Variants in PABPC4 observed in about 807,000 individuals in gnomAD.
The protein encoded by PABPC4 is polyadenylate-binding protein 4.
In PABPC4, 15 loss-of-function variants were observed where a neutral mutation model predicts 74.5. The observed-to-expected ratio is 0.20, with a 90% CI of 0.13 to 0.31. PABPC4 has a LOEUF of 0.31. PABPC4 is among the 10% of genes least tolerant of loss of function. The probability of loss-of-function intolerance (pLI) is 1.00; values close to 1 mark genes in which losing one functional copy is unlikely to be tolerated. For synonymous variants in PABPC4, 345 were observed against 303.0 expected (o/e 1.14, Z -1.44); for missense variants, 610 against 853.5 (o/e 0.71, Z 3.55).
chr1:39,575,677 C>T, intron 1 of PABPC4, 82 bp downstream of exon 1: 3 of 1,215,506 alleles, frequency 2.5e-6, no homozygotes, highest in East Asian at 2.8e-5. Context: ...ATGCCGCCCT[C>T]CTCGGCAGGA....
Position 39,575,873 on chromosome 1 carries a change from G to A in PABPC4, c.79C>T (p.Leu27=). The A allele has an allele frequency of 6.2e-7, 1 of 1,612,562 alleles. No homozygotes were observed. Among genetic ancestry groups the A allele is most frequent in the Middle Eastern group, 1.7e-4 (1 of 6,058 alleles). Residue 27 remains leucine (L), a synonymous_variant, in exon 1 of 16, where the codon CTG becomes TTG. Coordinates refer to ENST00000372858, the MANE Select transcript of PABPC4 (RefSeq NM_001135653.2). The part of the protein sequence containing the change: ...DLHSDVTEAM[L]YEKFSPAGPV... ...CCCGCGGGGCTGAACTTTTCGTACA[G>A]CATGGCCTCGGTGACGTCCGAATGC...
Position 39,569,931 on chromosome 1 carries a change from TTGG to T in PABPC4, c.572_574del (p.Thr191del). The T allele has an allele frequency of 6.2e-7, 1 of 1,614,038 alleles. No homozygotes were observed. ...TTCCCCAAAGTTTTTGATATAAACATTGGTGAATTCCTTGGCTTTGGCTCCAAG... is the reference window on the plus strand; with the variant it reads ...TTCCCCAAAGTTTTTGATATAAACATTGAATTCCTTGGCTTTGGCTCCAAG... On this transcript the variant is annotated inframe_deletion, in exon 4 of 16. Coordinates refer to ENST00000372858, the MANE Select transcript of PABPC4 (RefSeq NM_001135653.2).
chr1:39,571,543 A>T, intron 2 of PABPC4, 194 bp from the exon 3 acceptor site: 1 of 619,302 alleles, frequency 1.6e-6, no homozygotes, highest in South Asian at 1.9e-5. Flanking sequence ...AGGTAGCCCT[A>T]CTAAGATGCT....
At chr1:39,566,568 T>C (rs570762808) in intron 7 of PABPC4, among the ~76,000 whole-genome samples, 8 of 152,356 alleles carry the variant, frequency 5.3e-5, no homozygotes, top group African/African-American at 1.7e-4. Flanking sequence ...TGACTGTCAT[T>C]GTTTTATGTC....
chr1:39,571,421 T>C (rs1570394843), intron 2 of PABPC4, 72 bp from the exon 3 acceptor site: 1 of 1,583,100 alleles, frequency 6.3e-7, no homozygotes, highest in Non-Finnish European at 8.7e-7. Context: ...CAGGGTATCT[T>C]GTGCCTGAGG....
At chr1:39,564,810 G>T in intron 8 of PABPC4, 37 bp from the exon 9 acceptor site, 1 of 1,477,966 alleles carries the variant, frequency 6.8e-7, no homozygotes, top group Non-Finnish European at 9.5e-7. Flanking sequence ...CCCCCTTAAG[G>T]ACTGAACCCA....
At chr1:39,562,638 T>C (rs1414312848) in intron 12 of PABPC4, 2 of 460,560 alleles carry the variant, frequency 4.3e-6, no homozygotes, top group East Asian at 6.5e-5. Flanking sequence ...GAAAATGGCA[T>C]GCTATCAGAA....
chr1:39,564,406 A>G lies in PABPC4; in HGVS notation c.1453+17T>C. ...CCCTCCTCCCCAGGCCACACTTCTA[A>G]AGGCCAGTTTGCTCACCGACTCTCT... On this transcript the variant is annotated intron_variant, in intron 10 of 15. Coordinates refer to ENST00000372858, the MANE Select transcript of PABPC4 (RefSeq NM_001135653.2). 6.2e-7 allele frequency: 1 copy of G among 1,612,478 alleles called. No individual in the cohort carries two copies. Among genetic ancestry groups the G allele is most frequent in the East Asian group, 2.2e-5 (1 of 44,852 alleles).
At chr1:39,564,036 A>G (rs745877558) in intron 10 of PABPC4, 114 bp from the exon 11 acceptor site, 7 of 872,454 alleles carry the variant, frequency 8.0e-6, no homozygotes, top group South Asian at 3.1e-5. Context: ...ACAGGGGGCC[A>G]CTACTACTTT....
intron 4 of PABPC4, 63 bp from the exon 5 acceptor site, chr1:39,569,752 T>C (rs1402739769): frequency 7.0e-6 from 11 of 1,582,654 alleles, no homozygotes; most frequent in Non-Finnish European, 8.7e-6. Context: ...AACAGAAGGC[T>C]TCCCTCTGGA....
intron 3 of PABPC4, 70 bp downstream of exon 3, chr1:39,571,164 G>A (rs746289526): frequency 9.3e-6 from 15 of 1,608,720 alleles, no homozygotes; most frequent in Non-Finnish European, 1.3e-5. Context: ...CCTTGTGTGT[G>A]CCAGTTAATA....
At chr1:39,566,723 C>T (rs1402013169) in intron 7 of PABPC4, among the ~76,000 whole-genome samples, 3 of 152,124 alleles carry the variant, frequency 2.0e-5, no homozygotes, top group Non-Finnish European at 2.9e-5. Context: ...GGGGACAATT[C>T]AAGGTATGGC....
chr1:39,565,507 G>T, intron 7 of PABPC4, 129 bp from the exon 8 acceptor site: 1 of 903,232 alleles, frequency 1.1e-6, no homozygotes, highest in Non-Finnish European at 1.7e-6. Flanking sequence ...GTTGAGACCA[G>T]CTTGAGCAAT....
chr1:39,569,680 A>C lies in PABPC4; in HGVS notation c.653T>G (p.Leu218Arg), dbSNP rs762504433. ...KELFSQFGKT[L>R]SVKVMRDPNG... ...GGGATCTCTCATCACCTTGACACTT[A>C]GGGTCTTACCTATTACCAAAGGACA... is the stretch of plus-strand genomic sequence containing the variant. The change falls in exon 5 of 16, where the codon CTA becomes CGA. Residue 218 changes from leucine to arginine, a missense_variant. Around this residue, in one of 4 missense-constraint regions of PABPC4, gnomAD observed 304 missense variants for 478.9 expected, o/e 0.63. Transcript: ENST00000372858. The C allele has an allele frequency of 6.2e-7, 1 of 1,613,484 alleles. No individual in the cohort carries two copies. Among genetic ancestry groups the C allele is most frequent in the Non-Finnish European group, 8.5e-7 (1 of 1,179,370 alleles).
At chr1:39,566,716 G>A (rs1248070547) in intron 7 of PABPC4, among the ~76,000 whole-genome samples, 2 of 152,150 alleles carry the variant, frequency 1.3e-5, no homozygotes, top group African/African-American at 4.8e-5. Flanking sequence ...TGAAAATGGG[G>A]ACAATTCAAG....
At chr1:39,562,448 T>A in intron 12 of PABPC4, 32 bp from the exon 13 acceptor site, 2 of 1,521,240 alleles carry the variant, frequency 1.3e-6, no homozygotes, top group Non-Finnish European at 1.8e-6. Context: ...GGGTTAGCAC[T>A]GAGGAAAGGA....
intron 10 of PABPC4, 63 bp from the exon 11 acceptor site, chr1:39,563,985 C>G (rs993129039): frequency 6.7e-7 from 1 of 1,484,900 alleles, no homozygotes; most frequent in East Asian, 2.3e-5. Context: ...CCACGTCCCA[C>G]GGAAGGAGAA....
At chr1:39,575,365 G>C (rs936807628) in intron 1 of PABPC4, among the ~76,000 whole-genome samples, 3 of 152,196 alleles carry the variant, frequency 2.0e-5, no homozygotes, top group African/African-American at 7.2e-5. Context: ...ACTTTCGCGG[G>C]GAATTGTGTT....
Position 39,568,952 on chromosome 1 carries a change from AAT to A in PABPC4, c.739-15_739-14del, listed in dbSNP as rs1260827032. On this transcript the variant is annotated splice_polypyrimidine_tract_variant and intron_variant, in intron 5 of 15. Coordinates refer to ENST00000372858, the MANE Select transcript of PABPC4 (RefSeq NM_001135653.2). ...TCTCTTCCACAGCCTAGAGAGGAAA[AAT>A]ATGTCTTTAAAATAAAGTTGCAGCG... 4 of 1,601,944 alleles carry A rather than the reference AAT, an allele frequency of 2.5e-6. No individual in the cohort carries two copies. Among genetic ancestry groups the A allele is most frequent in the African/African-American group, 1.3e-5 (1 of 74,238 alleles).
Sources: gnomAD v4.1 joint callset for allele counts (sites outside exome capture counted in the v4.1 genomes callset) on GRCh38, gnomAD v4.1.1 for gene constraint, gnomAD v4.1.1 regional missense constraint, MANE v1.5 for transcripts, NCBI Gene and HGNC (gene_info 2026-07-23, HGNC 2026-07-21) for gene names.